STEAP3: variants seen among roughly 807,000 people sequenced by gnomAD.
STEAP3 encodes metalloreductase STEAP3.
STEAP3 carries 35 observed loss-of-function variants against 34.9 expected under a neutral mutation model. That is an observed-to-expected ratio of 1.00 (90% confidence interval 0.76 to 1.33). The LOEUF (loss-of-function observed/expected upper bound fraction) is 1.33, where lower values mean the gene tolerates loss of function less well. Among genes scored for constraint, STEAP3 ranks in the 40% most tolerant of loss-of-function variants. The pLI is 0.00. For synonymous variants in STEAP3, 281 were observed against 301.6 expected (o/e 0.93, Z 0.71); for missense variants, 652 against 667.6 (o/e 0.98, Z 0.26).
intron 1 of STEAP3, among the ~76,000 whole-genome samples, chr2:119,229,037 C>T (rs894079092): frequency 1.3e-5 from 2 of 152,130 alleles, no homozygotes; most frequent in African/African-American, 4.8e-5. Flanking sequence ...AAATAGAGTC[C>T]TATCCACCCC....
chr2:119,238,986 GA>G (rs1474851921), intron 2 of STEAP3, among the ~76,000 whole-genome samples: 1 of 152,092 alleles, frequency 6.6e-6, no homozygotes, highest in Non-Finnish European at 1.5e-5. Context: ...GCGGGGGGTG[GA>G]CAACGAGCAC....
At chr2:119,246,615 C>T (rs1265448225) in intron 3 of STEAP3, 2 of 155,152 alleles carry the variant, frequency 1.3e-5, no homozygotes, top group Admixed American at 6.2e-5. Context: ...AGAACTTCCA[C>T]CAGTGAGTCG....
At chr2:119,242,303 G>C (rs1305576073) in intron 2 of STEAP3, among the ~76,000 whole-genome samples, 1 of 152,188 alleles carries the variant, frequency 6.6e-6, no homozygotes, top group African/African-American at 2.4e-5. Context: ...CTCCCCATCA[G>C]GGCAAAACTC....
chr2:119,236,644 A>G (rs1448033765), intron 2 of STEAP3, among the ~76,000 whole-genome samples: 2 of 152,168 alleles, frequency 1.3e-5, no homozygotes, highest in Non-Finnish European at 2.9e-5. Flanking sequence ...GGATGACTTT[A>G]GGAGGAAGAG....
intron 1 of STEAP3, among the ~76,000 whole-genome samples, chr2:119,228,852 A>T (rs1422518192): frequency 6.6e-6 from 1 of 152,116 alleles, no homozygotes; most frequent in Non-Finnish European, 1.5e-5. Context: ...CCAAGGTCTC[A>T]GTGAGAACCC....
chr2:119,257,759 C>CT, intron 5 of STEAP3: 1 of 1,361,598 alleles, frequency 7.3e-7, no homozygotes, highest in South Asian at 1.9e-5. Context: ...TCACCCTCCC[C>CT]TACACACATG....
At chr2:119,245,115 C>CCG in intron 2 of STEAP3, 4 of 222,386 alleles carry the variant, frequency 1.8e-5, no homozygotes, top group East Asian at 9.5e-5. Flanking sequence ...TCACTCCTGG[C>CCG]TAGTGACACT....
chr2:119,231,730 AT>A (rs1261740868), intron 2 of STEAP3, among the ~76,000 whole-genome samples: 1 of 152,106 alleles, frequency 6.6e-6, no homozygotes, highest in East Asian at 1.9e-4. Flanking sequence ...AAAGATAATA[AT>A]TTTTTAATGA....
chr2:119,229,031 A>G (rs1474789988), intron 1 of STEAP3, among the ~76,000 whole-genome samples: 3 of 152,168 alleles, frequency 2.0e-5, no homozygotes, highest in African/African-American at 4.8e-5. Flanking sequence ...ACAGGAAAAT[A>G]GAGTCCTATC....
intron 1 of STEAP3, among the ~76,000 whole-genome samples, chr2:119,230,066 T>A (rs528720021): frequency 1.3e-5 from 2 of 152,328 alleles, no homozygotes; most frequent in South Asian, 2.1e-4. Flanking sequence ...AGGTTCTGCA[T>A]GTGGGCTTGA....
At position 119,246,005 on chromosome 2, in the gene STEAP3, T is replaced by C; in HGVS notation, c.522+17T>C. ...AACAGGCAGGTAGGTTCTGGGGGAA[T>C]AATACCCATCGTAACAATAAATATA... On this transcript the variant is annotated intron_variant, in intron 3 of 5. Transcript: ENST00000393110. The C allele has an allele frequency of 6.3e-7, 1 of 1,599,258 alleles. No homozygotes were observed. The highest frequency in any genetic ancestry group is 8.5e-7 in the Non-Finnish European group (1 of 1,170,332).
At chr2:119,239,874 A>T (rs1419411466) in intron 2 of STEAP3, among the ~76,000 whole-genome samples, 1 of 152,176 alleles carries the variant, frequency 6.6e-6, no homozygotes, top group Non-Finnish European at 1.5e-5. Flanking sequence ...GCCTCCTTGC[A>T]CCTACATTTG....
At chr2:119,251,326 C>A (rs1169917925) in intron 4 of STEAP3, among the ~76,000 whole-genome samples, 1 of 152,168 alleles carries the variant, frequency 6.6e-6, no homozygotes, top group Non-Finnish European at 1.5e-5. Context: ...TTCCTTACAG[C>A]CCTGAGTCTG....
intron 5 of STEAP3, among the ~76,000 whole-genome samples, chr2:119,255,830 A>G (rs752541088): frequency 5.3e-5 from 8 of 152,210 alleles, no homozygotes; most frequent in Non-Finnish European, 1.2e-4. Flanking sequence ...TTCATTCAAC[A>G]AACATTTATT....
chr2:119,248,302 G>A (rs1029090066), intron 4 of STEAP3, 96 bp downstream of exon 4: 11 of 1,385,818 alleles, frequency 7.9e-6, no homozygotes, highest in Non-Finnish European at 9.7e-6. Flanking sequence ...ATACCCACGG[G>A]TGCAGCCTTA....
chr2:119,245,176 T>G, intron 2 of STEAP3: 1 of 380,386 alleles, frequency 2.6e-6, no homozygotes, highest in Non-Finnish European at 4.8e-6. Flanking sequence ...ATCACATTGG[T>G]CATGGAAATT....
At chr2:119,226,045 A>G (rs1323113479) in intron 1 of STEAP3, among the ~76,000 whole-genome samples, 1 of 152,254 alleles carries the variant, frequency 6.6e-6, no homozygotes, top group Non-Finnish European at 1.5e-5. Context: ...ACTGAGGCCT[A>G]GAGAGTGGCC....
At chr2:119,241,719 C>T (rs554709325) in intron 2 of STEAP3, among the ~76,000 whole-genome samples, 2 of 152,322 alleles carry the variant, frequency 1.3e-5, no homozygotes, top group South Asian at 4.1e-4. Context: ...TCCATATCAG[C>T]TCCCTGGAAG....
chr2:119,261,521 G>A (rs1040203685), intron 5 of STEAP3, among the ~76,000 whole-genome samples: 11 of 152,084 alleles, frequency 7.2e-5, no homozygotes, highest in Admixed American at 5.2e-4. Flanking sequence ...CCTGTGCCAC[G>A]ACTCCCTCGC....
Sources: gnomAD v4.1 joint callset for allele counts (sites outside exome capture counted in the v4.1 genomes callset) on GRCh38, gnomAD v4.1.1 for gene constraint, MANE v1.5 for transcripts, NCBI Gene and HGNC (gene_info 2026-07-23, HGNC 2026-07-21) for gene names.